The following SHISA9 variants were observed in gnomAD, a reference collection of about 807,000 sequenced individuals.
SHISA9 encodes protein shisa-9.
In SHISA9, 13 loss-of-function variants were observed where a neutral mutation model predicts 38.0. The observed-to-expected ratio is 0.34, with a 90% CI of 0.22 to 0.54. The LOEUF is 0.54. Among genes scored for constraint, SHISA9 ranks in the 20% least tolerant of loss-of-function variants. SHISA9 has a pLI of 0.91. For synonymous variants in SHISA9, 275 were observed against 242.0 expected (o/e 1.14, Z -1.27); for missense variants, 538 against 575.8 (o/e 0.93, Z 0.67).
At chr16:13,287,552 T>C in the SHISA9 span, among the ~76,000 whole-genome samples, 2 of 152,150 alleles carry the variant, frequency 1.3e-5, no homozygotes, top group Non-Finnish European at 2.9e-5. Flanking sequence ...TTCAAAAGAA[T>C]TGTAAGTCGA....
At chr16:13,188,920 A>G (rs1394408068) in intron 2 of SHISA9, among the ~76,000 whole-genome samples, 2 of 152,150 alleles carry the variant, frequency 1.3e-5, no homozygotes, top group Admixed American at 6.5e-5. Flanking sequence ...ATGAGTCCCT[A>G]ATCCAATATG....
intron 4 of SHISA9, among the ~76,000 whole-genome samples, chr16:13,230,324 G>A (rs1264774620): frequency 4.7e-5 from 7 of 149,382 alleles, no homozygotes; most frequent in Admixed American, 4.6e-4. Flanking sequence ...ATTGGAGGAG[G>A]TGAAACAAGG....
chr16:13,229,470 G>C (rs2051310602), intron 4 of SHISA9, among the ~76,000 whole-genome samples: 1 of 152,172 alleles, frequency 6.6e-6, no homozygotes, highest in South Asian at 2.1e-4. Flanking sequence ...CTATGTGCTG[G>C]AACTGTGAAA....
the SHISA9 span, among the ~76,000 whole-genome samples, chr16:13,453,695 G>A: frequency 5.1e-4 from 77 of 152,272 alleles, 1 homozygote; most frequent in African/African-American, 1.6e-3. Flanking sequence ...ATAATAAATG[G>A]TTGTTGTTTT....
intron 3 of SHISA9, among the ~76,000 whole-genome samples, chr16:13,208,058 C>T (rs1188040356): frequency 6.6e-6 from 1 of 152,178 alleles, no homozygotes; most frequent in Non-Finnish European, 1.5e-5. Flanking sequence ...TGATCAGAGG[C>T]TCTGTCTCAC....
chr16:12,942,393 C>T (rs2071622951), intron 2 of SHISA9, among the ~76,000 whole-genome samples: 1 of 152,198 alleles, frequency 6.6e-6, no homozygotes, highest in African/African-American at 2.4e-5. Flanking sequence ...TGGATGCTGG[C>T]ATACTCAGAC....
At chr16:13,358,817 A>G in the SHISA9 span, among the ~76,000 whole-genome samples, 2 of 152,206 alleles carry the variant, frequency 1.3e-5, no homozygotes, top group African/African-American at 4.8e-5. Context: ...GCAGAGCCAT[A>G]AAAAGATGAA....
chr16:13,260,007 C>CTTTCTTTT, the SHISA9 span, among the ~76,000 whole-genome samples: 7 of 60,418 alleles, frequency 1.2e-4, no homozygotes, highest in Middle Eastern at 0.021. Context: ...TTCTTTCTTT[C>CTTTCTTTT]TTTTTTTTTT....
At chr16:13,024,884 C>G (rs2072901597) in intron 2 of SHISA9, among the ~76,000 whole-genome samples, 1 of 152,156 alleles carries the variant, frequency 6.6e-6, no homozygotes, top group African/African-American at 2.4e-5. Flanking sequence ...AAAGTAGCCT[C>G]TGTGCAGCCA....
the SHISA9 span, chr16:13,350,528 T>C: frequency 6.6e-6 from 1 of 152,242 alleles, no homozygotes; most frequent in Non-Finnish European, 1.5e-5. Context: ...TCTAAACTGA[T>C]AAATGCTCAC....
intron 2 of SHISA9, among the ~76,000 whole-genome samples, chr16:13,005,209 G>T (rs2072583198): frequency 6.6e-6 from 1 of 152,134 alleles, no homozygotes; most frequent in African/African-American, 2.4e-5. Context: ...ATGCTTGGGA[G>T]ACATCCAAAC....
chr16:13,148,334 C>G (rs2050466195), intron 2 of SHISA9, among the ~76,000 whole-genome samples: 1 of 152,096 alleles, frequency 6.6e-6, no homozygotes, highest in Admixed American at 6.5e-5. Context: ...TTCACACACT[C>G]TTTACACACC....
chr16:13,014,699 C>T lies in SHISA9; in HGVS notation c.691+97884C>T, dbSNP rs73516725. Reference sequence around the variant, plus strand: ...GCAGAGAGCTGGGAGGAATTCTGAGCCGGGGGTGGAATTCAGGATGTTAAC... The same window carrying T: ...GCAGAGAGCTGGGAGGAATTCTGAGTCGGGGGTGGAATTCAGGATGTTAAC... On this transcript the variant is annotated intron_variant, in intron 2 of 4. Coordinates refer to ENST00000558583, the MANE Select transcript of SHISA9 (RefSeq NM_001145204.3). Among the ~76,000 whole-genome samples the T allele has an allele frequency of 7.8e-3, 1,186 of 152,316 alleles. 20 individuals are homozygous for T. The highest frequency in any genetic ancestry group is 0.027 in the African/African-American group (1,133 of 41,582).
intron 2 of SHISA9, among the ~76,000 whole-genome samples, chr16:13,097,395 A>C (rs77206483): frequency 0.014 from 2,136 of 151,690 alleles, 19 homozygotes; most frequent in South Asian, 0.025. Context: ...GGAATGCCCG[A>C]CATCATAGTG....
chr16:13,401,088 A>G, the SHISA9 span, among the ~76,000 whole-genome samples: 1 of 152,226 alleles, frequency 6.6e-6, no homozygotes, highest in Non-Finnish European at 1.5e-5. Context: ...GGAAAGTGCT[A>G]TAAGTTGTGA....
the SHISA9 span, among the ~76,000 whole-genome samples, chr16:13,490,207 G>A: frequency 9.7e-4 from 147 of 152,260 alleles, 2 homozygotes; most frequent in Non-Finnish European, 1.7e-3. Flanking sequence ...GAGCAGTTAC[G>A]AGGGCATGGA....
At chr16:13,409,056 T>C in the SHISA9 span, among the ~76,000 whole-genome samples, 1 of 152,124 alleles carries the variant, frequency 6.6e-6, no homozygotes, top group African/African-American at 2.4e-5. Context: ...AAGCAGGAGA[T>C]GACCAGATGA....
In SHISA9 at chr16:13,003,629, G is replaced by T. The variant is rs548518690; in HGVS notation, c.691+86814G>T. On this transcript the variant is annotated intron_variant, in intron 2 of 4. Transcript: ENST00000558583. ...TCCCAGCATTTTGGGAGGCCAGAGT[G>T]GGTGGATCACCTGAGGTCAGGAGTT... Among the ~76,000 whole-genome samples the T allele has an allele frequency of 5.9e-5, 9 of 152,232 alleles. No individual in the cohort carries two copies. The South Asian group carries it at 1.5e-3, about 25-fold the overall frequency.
intron 2 of SHISA9, among the ~76,000 whole-genome samples, chr16:13,091,392 GT>G (rs2073773513): frequency 6.6e-6 from 1 of 152,198 alleles, no homozygotes; most frequent in Non-Finnish European, 1.5e-5. Flanking sequence ...CCTGAAGAGT[GT>G]TTTCCAACTT....
Sources: gnomAD v4.1 joint callset for allele counts (sites outside exome capture counted in the v4.1 genomes callset) on GRCh38, gnomAD v4.1.1 for gene constraint, MANE v1.5 for transcripts, NCBI Gene and HGNC (gene_info 2026-07-23, HGNC 2026-07-21) for gene names.